The following BTBD8 variants were observed in gnomAD, a reference collection of about 807,000 sequenced individuals.
BTBD8 encodes BTB/POZ domain-containing protein 8.
BTBD8 carries 110 observed loss-of-function variants against 162.9 expected under a neutral mutation model. The observed-to-expected ratio is 0.68, with a 90% CI of 0.58 to 0.79. BTBD8 has a LOEUF of 0.79. Ranked by LOEUF, BTBD8 falls within the 30% of genes least tolerant of loss-of-function variation. BTBD8 has a pLI of 0.00. For missense variants in BTBD8, 1,905 were observed against 2,085.4 expected, an observed-to-expected ratio of 0.91 and a Z score of 1.68; for synonymous variants, 667 against 716.1, an observed-to-expected ratio of 0.93 and a Z score of 1.10.
chr1:92,096,615 A>G (rs1177341564), intron 2 of BTBD8, among the ~76,000 whole-genome samples: 1 of 150,768 alleles, frequency 6.6e-6, no homozygotes, highest in Non-Finnish European at 1.5e-5. Flanking sequence ...TGATGGTGCA[A>G]TCATAGCTCA....
chr1:92,137,623 T>G (rs1456651033), intron 5 of BTBD8, among the ~76,000 whole-genome samples: 2 of 152,198 alleles, frequency 1.3e-5, no homozygotes, highest in South Asian at 2.1e-4. Flanking sequence ...GTAAGTGAAG[T>G]AAGAAAATAT....
chr1:92,128,839 A>C (rs1649433621), intron 4 of BTBD8, among the ~76,000 whole-genome samples: 1 of 152,224 alleles, frequency 6.6e-6, no homozygotes. Context: ...ATCTGCGTGC[A>C]ACTGGCTCTG....
At chr1:92,130,302 C>A (rs1649481871) in intron 5 of BTBD8, among the ~76,000 whole-genome samples, 1 of 152,058 alleles carries the variant, frequency 6.6e-6, no homozygotes, top group Non-Finnish European at 1.5e-5. Context: ...TAGGGCTTTA[C>A]CATATGAATT....
intron 5 of BTBD8, among the ~76,000 whole-genome samples, chr1:92,130,722 G>C (rs1649497141): frequency 6.6e-6 from 1 of 151,884 alleles, no homozygotes; most frequent in African/African-American, 2.4e-5. Context: ...TTTTTGAGAT[G>C]GAGTCTCATT....
At chr1:92,081,871 G>A (rs1385758026) in intron 1 of BTBD8, among the ~76,000 whole-genome samples, 1 of 152,198 alleles carries the variant, frequency 6.6e-6, no homozygotes, top group African/African-American at 2.4e-5. Context: ...ACTGCGCCCA[G>A]CCAGGATTCT....
rs571233167 is a variant in BTBD8, at chr1:92,103,334, A to G, written c.544+665A>G. Among the ~76,000 whole-genome samples, 143 of 152,352 alleles carry G rather than the reference A, an allele frequency of 9.4e-4. 1 individual carries two copies. The highest frequency in any genetic ancestry group is 2.0e-3 in the Non-Finnish European group (134 of 68,024). ...TTAGATTCCTGTTATATTACAGTCA[A>G]CATATCTAATTATGGTGAATGAATA... On this transcript the variant is annotated intron_variant, in intron 3 of 17. Transcript: ENST00000636805.
chr1:92,130,798 G>T (rs953127678), intron 5 of BTBD8, among the ~76,000 whole-genome samples: 3 of 152,076 alleles, frequency 2.0e-5, no homozygotes, highest in Non-Finnish European at 4.4e-5. Flanking sequence ...TGCCTCCCAG[G>T]TTCAAGTGAT....
Position 92,088,739 on chromosome 1 carries a change from TG to T in BTBD8, c.194del (p.Gly65ValfsTer13). On this transcript the variant is annotated frameshift_variant, in exon 2 of 18. Transcript: ENST00000636805. LOFTEE classifies it high-confidence loss of function. Reference sequence around the variant, plus strand: ...TTCCATACAGATGTTACCTTCTCTGTGGGTTGTACTTTGTTCAAAGCACACA... The same window carrying T: ...TTCCATACAGATGTTACCTTCTCTGTGGTTGTACTTTGTTCAAAGCACACA... ...EEFHTDVTFS[V>X]GCTLFKAHKA... The T allele has an allele frequency of 6.2e-7, 1 of 1,611,666 alleles. No individual in the cohort carries two copies. Among genetic ancestry groups the T allele is most frequent in the South Asian group, 1.1e-5 (1 of 90,648 alleles).
Position 92,181,929 on chromosome 1 carries a change from G to C in BTBD8, c.4246G>C (p.Ala1416Pro). The C allele has an allele frequency of 6.4e-7, 1 of 1,551,546 alleles. No individual in the cohort carries two copies. The highest frequency in any genetic ancestry group is 8.7e-7 in the Non-Finnish European group (1 of 1,146,904). ...GCAGTTTCAGGGAATAATTAATTTAGCTTTTGAAGATGCAACTGAAAATGA... is the reference window on the plus strand; with the variant it reads ...GCAGTTTCAGGGAATAATTAATTTACCTTTTGAAGATGCAACTGAAAATGA... ...PQQFQGIINL[A>P]FEDATENECR... is the part of the protein sequence containing the mutation. Residue 1416 changes from alanine to proline, a missense_variant, in exon 17 of 18, where the codon GCT (alanine) becomes CCT (proline). Physicochemically the swap from Ala to Pro is conservative, Grantham distance 27 (BLOSUM62 -1). Around this residue, in one of 3 missense-constraint regions of BTBD8, gnomAD observed 517 missense variants for 606.6 expected, o/e 0.85. Transcript: ENST00000636805.
chr1:92,112,966 C>G (rs1247920927), intron 4 of BTBD8, among the ~76,000 whole-genome samples: 1 of 152,084 alleles, frequency 6.6e-6, no homozygotes, highest in African/African-American at 2.4e-5. Context: ...ATTATTCTGC[C>G]TGGAGTAGTG....
rs527920912 is a variant in BTBD8 at position 92,096,429 on chromosome 1, A to T, written c.348-6044A>T. Among the ~76,000 whole-genome samples the T allele has an allele frequency of 5.3e-5, 8 of 152,264 alleles. No individual in the cohort carries two copies. In the South Asian group the frequency reaches 1.5e-3, roughly 28 times the overall value. On this transcript the variant is annotated intron_variant, in intron 2 of 17. Transcript: ENST00000636805. Reference sequence around the variant, plus strand: ...GTCAAAACCCCAAATCTTACATTCAACTGTGACCTCTCCACTTCTGCATTC... The same window carrying T: ...GTCAAAACCCCAAATCTTACATTCATCTGTGACCTCTCCACTTCTGCATTC...
intron 9 of BTBD8, among the ~76,000 whole-genome samples, chr1:92,165,414 C>G (rs1292827505): frequency 1.3e-5 from 2 of 151,466 alleles, no homozygotes; most frequent in African/African-American, 4.9e-5. Context: ...ATTAAATGCT[C>G]TAACAAAAAG....
intron 2 of BTBD8, among the ~76,000 whole-genome samples, chr1:92,089,811 CACAA>C (rs1234284330): frequency 2.6e-5 from 4 of 152,144 alleles, no homozygotes; most frequent in African/African-American, 4.8e-5. Flanking sequence ...GTTGGGGGGA[CACAA>C]ACATTCAGAC....
chr1:92,176,958 C>T lies in BTBD8; in HGVS notation c.1765C>T (p.His589Tyr). 1 of 1,546,476 alleles carries T rather than the reference C, an allele frequency of 6.5e-7. No homozygotes were observed. The highest frequency in any genetic ancestry group is 1.2e-5 in the South Asian group (1 of 83,372). ...MKSDGLGASG[H>Y]SSSTNRNSIN... Reference sequence around the variant, plus strand: ...ATCTGATGGATTAGGAGCATCTGGACATTCGTCAAGTACCAATAGAAATAG... The same window carrying T: ...ATCTGATGGATTAGGAGCATCTGGATATTCGTCAAGTACCAATAGAAATAG... Residue 589 changes from histidine (H) to tyrosine (Y), a missense_variant, in exon 14 of 18, where the codon CAT becomes TAT. Around this residue, in one of 3 missense-constraint regions of BTBD8, gnomAD observed 1,374 missense variants for 1,442.7 expected, o/e 0.95. Coordinates refer to ENST00000636805, the MANE Select transcript of BTBD8 (RefSeq NM_001376131.1).
rs200581113 is a variant in BTBD8, at chr1:92,141,242, C to T, written c.930+31C>T. ...TATTGAGCCTCAGAAATCTTTTATCCAGTGCATTGTCACCCATTATTACCT... is the reference window on the plus strand; with the variant it reads ...TATTGAGCCTCAGAAATCTTTTATCTAGTGCATTGTCACCCATTATTACCT... On this transcript the variant is annotated intron_variant, in intron 7 of 17. Transcript: ENST00000636805. 429 of 1,558,044 alleles carry T rather than the reference C, an allele frequency of 2.8e-4. No homozygotes were observed. The Middle Eastern group carries it at 3.5e-3, about 13-fold the overall frequency.
At chr1:92,112,076 A>T (rs1648912373) in intron 4 of BTBD8, among the ~76,000 whole-genome samples, 2 of 151,994 alleles carry the variant, frequency 1.3e-5, no homozygotes, top group Admixed American at 6.5e-5. Context: ...AACTCGGATG[A>T]GTGCTTTGGG....
intron 4 of BTBD8, among the ~76,000 whole-genome samples, chr1:92,124,805 A>G (rs963386702): frequency 6.6e-6 from 1 of 152,218 alleles, no homozygotes; most frequent in Non-Finnish European, 1.5e-5. Flanking sequence ...ATTCAAAAGA[A>G]AATATCTTTC....
At chr1:92,115,959 C>T (rs916428892) in intron 4 of BTBD8, among the ~76,000 whole-genome samples, 8 of 151,982 alleles carry the variant, frequency 5.3e-5, no homozygotes, top group African/African-American at 9.7e-5. Context: ...TAATATGAAA[C>T]GTTTTTCCTT....
chr1:92,141,322 A>C, intron 7 of BTBD8, 111 bp downstream of exon 7: 1 of 1,131,630 alleles, frequency 8.8e-7, no homozygotes. Flanking sequence ...AATATTAAGT[A>C]AATTTAACTA....
Sources: gnomAD v4.1 joint callset for allele counts (sites outside exome capture counted in the v4.1 genomes callset) on GRCh38, gnomAD v4.1.1 for gene constraint, gnomAD v4.1.1 regional missense constraint, MANE v1.5 for transcripts, NCBI Gene and HGNC (gene_info 2026-07-23, HGNC 2026-07-21) for gene names.